The following TRIP12 variants were observed in gnomAD, a reference collection of about 807,000 sequenced individuals.
TRIP12 encodes the protein E3 ubiquitin-protein ligase TRIP12.
Under a neutral mutation model 244.2 loss-of-function variants are expected in TRIP12, and 25 were observed. The ratio of observed to expected loss-of-function variants is 0.10; its 90% CI spans 0.07 to 0.14. TRIP12 has a LOEUF of 0.14. TRIP12 is among the 10% of genes least tolerant of loss of function. TRIP12 has a pLI of 1.00. For synonymous variants in TRIP12, 905 were observed against 873.1 expected, an observed-to-expected ratio of 1.04 and a Z score of -0.64; for missense variants, 1,677 against 2,486.4, an observed-to-expected ratio of 0.67 and a Z score of 6.92.
intron 8 of TRIP12, among the ~76,000 whole-genome samples, chr2:229,824,922 T>C (rs527671767): frequency 1.3e-5 from 2 of 152,288 alleles, no homozygotes; most frequent in East Asian, 1.9e-4. Flanking sequence ...AAATATTACA[T>C]AATTATAAAA....
At chr2:229,803,871 A>C (rs2045138408) in intron 19 of TRIP12, 128 bp downstream of exon 19, 1 of 916,306 alleles carries the variant, frequency 1.1e-6, no homozygotes, top group East Asian at 2.7e-5. Context: ...ATAAATAGAC[A>C]AAAAAGAGCT....
chr2:229,809,997 A>G lies in TRIP12; in HGVS notation c.2221+883T>C, dbSNP rs971001879. On this transcript the variant is annotated intron_variant, in intron 15 of 41. Coordinates refer to ENST00000675903, the MANE Select transcript of TRIP12 (RefSeq NM_001348323.3). ...TCCCAAGGTAACATCCATAGAGATTAGAATTATGGCTATGAAATTACAAAC... is the reference window on the plus strand; with the variant it reads ...TCCCAAGGTAACATCCATAGAGATTGGAATTATGGCTATGAAATTACAAAC... Among the ~76,000 whole-genome samples the G allele has an allele frequency of 4.4e-4, 67 of 152,252 alleles. 1 individual carries two copies. Among genetic ancestry groups the G allele is most frequent in the African/African-American group, 1.5e-3 (64 of 41,462 alleles).
At position 229,880,040 on chromosome 2, in the gene TRIP12, G is replaced by T. The variant is rs1393036548; in HGVS notation, c.40C>A (p.Arg14=). Residue 14 remains arginine (R), a synonymous_variant, in exon 2 of 42, where the codon CGA becomes AGA. Coordinates refer to ENST00000675903, the MANE Select transcript of TRIP12 (RefSeq NM_001348323.3). ...CCGGCAGTGTTCCTCTGTGAACGTC[G>T]CAGTGACCCCCCTGGATTGTTATTA... ...RPNNNPGGSL[R]RSQRNTAGAQ... The T allele has an allele frequency of 1.9e-6, 3 of 1,614,040 alleles. No homozygotes were observed. In the South Asian group the frequency reaches 3.3e-5, roughly 18 times the overall value.
Position 229,880,072 on chromosome 2 carries a change from T to G in TRIP12, c.8A>C (p.Asn3Thr), listed in dbSNP as rs746096308. Reference protein sequence around the residue: MSNRPNNNPGGSL... With the variant: MSTRPNNNPGGSL... ...CCCCCCTGGATTGTTATTAGGCCGG[T>G]TGGACATTGGCACCTCTCTCTTGAA... The change falls in exon 2 of 42, where the codon AAC becomes ACC. Residue 3 changes from asparagine to threonine, a missense_variant. Asn to Thr is a moderately conservative substitution (Grantham distance 65). Around this residue, in one of 11 missense-constraint regions of TRIP12, gnomAD observed 387 missense variants for 392.6 expected, o/e 0.99. Transcript: ENST00000675903. 1.2e-6 allele frequency: 2 copies of G among 1,614,172 alleles called. No homozygotes were observed. The highest frequency in any genetic ancestry group is 2.2e-5 in the South Asian group (2 of 91,078).
At chr2:229,771,487 A>C in intron 39 of TRIP12, 32 bp downstream of exon 39, 3,491 of 1,532,702 alleles carry the variant, frequency 2.3e-3, no homozygotes, top group Non-Finnish European at 2.8e-3. Context: ...AATTATAGGT[A>C]TGACCATTTC....
intron 9 of TRIP12, among the ~76,000 whole-genome samples, 177 bp downstream of exon 9, chr2:229,818,187 A>G (rs2048984317): frequency 6.6e-6 from 1 of 152,234 alleles, no homozygotes; most frequent in Non-Finnish European, 1.5e-5. Flanking sequence ...TTGCTAACTC[A>G]TTAGCAATTG....
At chr2:229,788,980 A>G in intron 31 of TRIP12, 40 bp from the exon 32 acceptor site, 2 of 1,538,762 alleles carry the variant, frequency 1.3e-6, no homozygotes, top group Non-Finnish European at 1.8e-6. Flanking sequence ...ACATGTAGTA[A>G]AATATTAGGA....
chr2:229,778,612 C>T lies in TRIP12; in HGVS notation c.5210-25G>A. On this transcript the variant is annotated intron_variant, in intron 35 of 41. Coordinates refer to ENST00000675903, the MANE Select transcript of TRIP12 (RefSeq NM_001348323.3). This position sits in a 1 kb window ranked among gnomAD's most constrained non-coding sequence, Gnocchi z 4.1. ...CCTGAAAAACAAGCAATGCAGCAAA[C>T]TTCAGATGATGTTTCCAAAAACAAA... 1 of 1,592,210 alleles carries T rather than the reference C, an allele frequency of 6.3e-7. No homozygotes were observed. Among genetic ancestry groups the T allele is most frequent in the Non-Finnish European group, 8.5e-7 (1 of 1,170,318 alleles).
intron 32 of TRIP12, among the ~76,000 whole-genome samples, chr2:229,788,450 C>T (rs1045530889): frequency 6.6e-6 from 1 of 152,204 alleles, no homozygotes; most frequent in Non-Finnish European, 1.5e-5. Flanking sequence ...CAGTGGCTTA[C>T]ATTTATCACT....
rs544480 is a variant in TRIP12 at position 229,859,061 on chromosome 2, G to C, written c.738C>G (p.Ser246=). ...AGGCCGAGGCTACAGCAGAAGACGA[G>C]GAGGAAGTAGAGGCAGCAGAAGAAG... The part of the protein sequence containing the change: ...TDSSSAASTS[S]SSSAVASASS... Residue 246 remains serine, a synonymous_variant, in exon 4 of 42, where the codon TCC becomes TCG. Transcript: ENST00000675903. 346,569 of 1,613,984 alleles carry C rather than the reference G, an allele frequency of 0.21. 38,628 individuals are homozygous for C. The highest frequency in any genetic ancestry group is 0.29 in the East Asian group (12,983 of 44,866).
chr2:229,799,354 C>T lies in TRIP12; in HGVS notation c.3236G>A (p.Arg1079Gln), dbSNP rs1366848506. 6.2e-7 allele frequency: 1 copy of T among 1,613,980 alleles called. No individual in the cohort carries two copies. ...GRLSDVLKRK[R>Q]LPKRGPRRPK... is the part of the protein sequence containing the mutation. ...CCTTCTTGGCCCTCGTTTTGGCAGT[C>T]GTTTTCTCTTTAGAACATCACTTAA... The change falls in exon 22 of 42, where the codon CGA (arginine) becomes CAA (glutamine). Residue 1079 changes from arginine to glutamine, a missense_variant. By Grantham distance (43) the Arg-to-Gln change is conservative. Around this residue, in one of 11 missense-constraint regions of TRIP12, gnomAD observed 572 missense variants for 867.8 expected, o/e 0.66. Coordinates refer to ENST00000675903, the MANE Select transcript of TRIP12 (RefSeq NM_001348323.3).
intron 5 of TRIP12, among the ~76,000 whole-genome samples, chr2:229,839,510 T>C (rs780227903): frequency 4.6e-5 from 7 of 151,936 alleles, no homozygotes; most frequent in Non-Finnish European, 7.4e-5. Flanking sequence ...AACCCATCTC[T>C]ACTAAAAATA....
chr2:229,860,286 T>C, intron 3 of TRIP12, 120 bp downstream of exon 3: 2 of 1,278,058 alleles, frequency 1.6e-6, no homozygotes, highest in Non-Finnish European at 2.1e-6. Context: ...AAAAGTTACT[T>C]AGAGAATAAT....
At chr2:229,867,386 G>C (rs11674999) in intron 2 of TRIP12, among the ~76,000 whole-genome samples, 2 of 151,768 alleles carry the variant, frequency 1.3e-5, no homozygotes, top group Non-Finnish European at 2.9e-5. Context: ...GGCTGGTCTC[G>C]AACTTCTGAC....
chr2:229,898,211 T>C (rs2069448277), intron 1 of TRIP12, among the ~76,000 whole-genome samples: 1 of 152,222 alleles, frequency 6.6e-6, no homozygotes, highest in South Asian at 2.1e-4. Context: ...GTAATAGTCT[T>C]AGGTAAGCAG....
intron 20 of TRIP12, among the ~76,000 whole-genome samples, chr2:229,802,831 A>G (rs1234972332): frequency 6.6e-6 from 1 of 152,154 alleles, no homozygotes; most frequent in Admixed American, 6.5e-5. Flanking sequence ...GATGGAAAAG[A>G]CCAAGAATCA....
chr2:229,791,303 A>G, intron 29 of TRIP12, 52 bp from the exon 30 acceptor site: 1 of 1,604,062 alleles, frequency 6.2e-7, no homozygotes, highest in Non-Finnish European at 8.5e-7. Context: ...AAACTGATAC[A>G]AAGCCAAAAT....
chr2:229,819,343 G>A (rs2049374054), intron 8 of TRIP12, among the ~76,000 whole-genome samples: 1 of 152,184 alleles, frequency 6.6e-6, no homozygotes, highest in African/African-American at 2.4e-5. Context: ...TCAGGAGTTT[G>A]AGACCAACCT....
In TRIP12 at chr2:229,814,073, T is replaced by C. The variant is rs375290981; in HGVS notation, c.1825-42A>G. The C allele has an allele frequency of 2.6e-5, 40 of 1,538,326 alleles. No homozygotes were observed. The African/African-American group carries it at 5.2e-4, about 20-fold the overall frequency. On this transcript the variant is annotated intron_variant, in intron 12 of 41. Transcript: ENST00000675903. ...TGTTAAGGTAAAGAAAAATCCTTTA[T>C]CAGCAATAAAAAATAATTTAACTCA...
Sources: allele counts gnomAD v4.1 joint callset (sites outside exome capture counted in the v4.1 genomes callset), GRCh38; gene constraint gnomAD v4.1.1; regional missense constraint gnomAD v4.1.1; non-coding constraint Gnocchi (gnomAD v3.1); transcripts MANE v1.5; gene names NCBI Gene and HGNC (gene_info 2026-07-23, HGNC 2026-07-21).